The following LRRC56 variants were observed in gnomAD, a reference collection of about 807,000 sequenced individuals.
LRRC56 encodes leucine-rich repeat-containing protein 56.
LRRC56 carries 41 observed loss-of-function variants against 47.8 expected under a neutral mutation model. That is an observed-to-expected ratio of 0.86 (90% CI 0.67 to 1.11). The LOEUF (loss-of-function observed/expected upper bound fraction) is 1.11, where lower values mean the gene tolerates loss of function less well. LRRC56 is among the 50% of genes most tolerant of loss of function. The pLI is 0.00. For synonymous variants in LRRC56, 387 were observed against 311.2 expected, an observed-to-expected ratio of 1.24 and a Z score of -2.56; for missense variants, 759 against 704.2, an observed-to-expected ratio of 1.08 and a Z score of -0.88.
At chr11:535,529 C>T (rs1468504998), upstream of LRRC56, 1 of 148,046 alleles carries the variant, frequency 6.8e-6, no homozygotes, top group Non-Finnish European at 1.5e-5. Context: ...GCGGGTGCGG[C>T]TCGGGTTGCG....
chr11:507,012 A>T, the LRRC56 span: 1 of 151,856 alleles, frequency 6.6e-6, no homozygotes, highest in Non-Finnish European at 1.5e-5. Context: ...CCCGCGCAGC[A>T]ACGGCCTCAA....
chr11:549,874 G>A, intron 6 of LRRC56, 28 bp from the exon 7 acceptor site: 1 of 1,600,778 alleles, frequency 6.2e-7, no homozygotes, highest in Non-Finnish European at 8.6e-7. Context: ...CTGGGCACAT[G>A]TTGACCACCA....
At chr11:547,317 T>A (rs571296938) in intron 6 of LRRC56, among the ~76,000 whole-genome samples, 1 of 70,346 alleles carries the variant, frequency 1.4e-5, no homozygotes, top group South Asian at 4.5e-4. Flanking sequence ...ATGGCTGTAC[T>A]TTTTTTTTTA....
chr11:547,292 G>C (rs1220116317), intron 6 of LRRC56, among the ~76,000 whole-genome samples: 1 of 150,504 alleles, frequency 6.6e-6, no homozygotes, highest in Non-Finnish European at 1.5e-5. Context: ...AAGAGTAAAT[G>C]ATATTCTAAT....
the LRRC56 span, among the ~76,000 whole-genome samples, chr11:522,467 T>C: frequency 1.6e-4 from 25 of 152,172 alleles, no homozygotes; most frequent in South Asian, 4.1e-4. Flanking sequence ...GGGGTTTCAC[T>C]GTGTTAGCCA....
At chr11:511,439 T>TA in the LRRC56 span, among the ~76,000 whole-genome samples, 1 of 152,202 alleles carries the variant, frequency 6.6e-6, no homozygotes, top group Admixed American at 6.6e-5. Flanking sequence ...AGTGGGTAGT[T>TA]AAACTGACAA....
chr11:550,377 G>C lies in LRRC56; in HGVS notation c.624+105G>C. Reference sequence around the variant, plus strand: ...TGGCCAGGTACTTCTGTGCCCACCCGCACCCTATGGCCTGCTCACCATGAG... The same window carrying C: ...TGGCCAGGTACTTCTGTGCCCACCCCCACCCTATGGCCTGCTCACCATGAG... On this transcript the variant is annotated intron_variant, in intron 8 of 13. Coordinates refer to ENST00000270115, the MANE Select transcript of LRRC56 (RefSeq NM_198075.4). 5 of 1,038,192 alleles carry C rather than the reference G, an allele frequency of 4.8e-6. No individual in the cohort carries two copies. The South Asian group carries it at 8.3e-5, about 17-fold the overall frequency. 64.3% of individuals were successfully genotyped at this position (1,038,192 alleles called of 1,614,324 possible).
chr11:513,839 G>A, the LRRC56 span, among the ~76,000 whole-genome samples: 49,191 of 148,180 alleles, frequency 0.33, 8,294 homozygotes, highest in African/African-American at 0.38. Flanking sequence ...AAAAAAAAAG[G>A]AAGAAATTGC....
rs1217268141 is a variant in LRRC56 at position 551,791 on chromosome 11, C to T, written c.937C>T (p.Leu313=). 1.9e-6 allele frequency: 3 copies of T among 1,609,398 alleles called. No individual in the cohort carries two copies. Among genetic ancestry groups the T allele is most frequent in the Admixed American group, 3.3e-5 (2 of 59,712 alleles). ...PLPEGLLSED[L]APEDNTSSLT... is the part of the protein sequence containing the mutation. ...GCCTGAAGGCCTGCTTTCTGAGGAC[C>T]TGGCCCCAGAAGATAACACCAGCAG... The change falls in exon 10 of 14, where the codon CTG becomes TTG. Residue 313 remains leucine (L), a synonymous_variant. Coordinates refer to ENST00000270115, the MANE Select transcript of LRRC56 (RefSeq NM_198075.4).
chr11:513,418 C>T, the LRRC56 span, among the ~76,000 whole-genome samples: 3 of 152,098 alleles, frequency 2.0e-5, no homozygotes, highest in African/African-American at 2.4e-5. Context: ...CTCAGTGTCC[C>T]GAGGTGCTGG....
At chr11:542,810 T>C (rs1365048614) in intron 5 of LRRC56, among the ~76,000 whole-genome samples, 2 of 152,022 alleles carry the variant, frequency 1.3e-5, no homozygotes, top group Non-Finnish European at 2.9e-5. Flanking sequence ...TTAAATGCAG[T>C]GCGATGGCCA....
chr11:554,214 G>C lies in LRRC56; in HGVS notation c.1567G>C (p.Asp523His), dbSNP rs10902171. 0.81 allele frequency: 1,249,288 copies of C among 1,533,232 alleles called. 510,154 individuals carry two copies. Among genetic ancestry groups the C allele is most frequent in the East Asian group, 0.89 (39,051 of 43,790 alleles). The allele number at this position is 1,533,232 out of a possible 1,614,324, so 95.0% of individuals were successfully genotyped here. A position where few individuals can be genotyped will look rare whatever the true frequency, so the allele number is the denominator to read the frequency against. The change falls in exon 14 of 14, where the codon GAT becomes CAT. Residue 523 changes from aspartate (D) to histidine (H), a missense_variant. Transcript: ENST00000270115. The part of the protein sequence containing the change: ...QGCPGPKPAP[D>H]AAARPPRAAE... ...ATGTCCTGGCCCAAAGCCAGCACCA[G>C]ATGCAGCAGCTAGACCTCCCAGGGC... is the stretch of plus-strand genomic sequence containing the variant.
Position 541,666 on chromosome 11 carries a change from C to G in LRRC56, c.265+42C>G. 1 of 1,247,164 alleles carries G rather than the reference C, an allele frequency of 8.0e-7. No individual in the cohort carries two copies. Among genetic ancestry groups the G allele is most frequent in the Non-Finnish European group, 1.1e-6 (1 of 886,824 alleles). 77.3% of individuals were successfully genotyped at this position (1,247,164 alleles called of 1,614,324 possible). A position where few individuals can be genotyped will look rare whatever the true frequency, so the allele number is the denominator to read the frequency against. On this transcript the variant is annotated intron_variant, in intron 5 of 13. Transcript: ENST00000270115. This position sits in a 1 kb window ranked among gnomAD's most constrained non-coding sequence, Gnocchi z 4.1. Reference sequence around the variant, plus strand: ...CCCGCCATGGCCACGGCCACGGCCACGCCTCCCTGTAAACAACACACGTTT... The same window carrying G: ...CCCGCCATGGCCACGGCCACGGCCAGGCCTCCCTGTAAACAACACACGTTT...
At chr11:551,511 G>C in intron 9 of LRRC56, 140 bp from the exon 10 acceptor site, 1 of 938,088 alleles carries the variant, frequency 1.1e-6, no homozygotes, top group Non-Finnish European at 1.6e-6. Flanking sequence ...TGAAGATGAG[G>C]GCCTCTCTAG....
At position 552,625 on chromosome 11, in the gene LRRC56, G is replaced by C. The variant is rs368346889; in HGVS notation, c.1238G>C (p.Gly413Ala). Residue 413 changes from glycine (G) to alanine (A), a missense_variant, in exon 13 of 14, where the codon GGC becomes GCC. Transcript: ENST00000270115. ...CAGGAAGGGGCTGTAGCCCCCTGGG[G>C]CCCACGGAGGGTCCCTGAAGAGCAA... ...SQQEGAVAPW[G>A]PRRVPEEQVH... is the part of the protein sequence containing the mutation. The C allele has an allele frequency of 3.7e-6, 6 of 1,610,448 alleles. No homozygotes were observed. In the African/African-American group the frequency reaches 5.3e-5, roughly 14 times the overall value.
the LRRC56 span, chr11:506,580 C>G: frequency 6.6e-6 from 1 of 152,276 alleles, no homozygotes; most frequent in Non-Finnish European, 1.5e-5. Context: ...ACCCTCCCTC[C>G]CCGACCTCGC....
At chr11:528,314 G>A in the LRRC56 span, among the ~76,000 whole-genome samples, 11 of 152,318 alleles carry the variant, frequency 7.2e-5, no homozygotes, top group South Asian at 1.0e-3. Flanking sequence ...GGCGGCGCCC[G>A]GGACAGAAGC....
chr11:533,287 G>A (rs2133984990), upstream of LRRC56: 1 of 1,594,450 alleles, frequency 6.3e-7, no homozygotes. Context: ...AGCGCGAGGG[G>A]CCGCTGGGTC....
upstream of LRRC56, chr11:535,436 CCCGGGG>C (rs939915760): frequency 5.5e-5 from 8 of 145,668 alleles, no homozygotes; most frequent in African/African-American, 2.0e-4. Context: ...CGCGACTGCC[CCCGGGG>C]CCAGGGCCGG....
Sources: allele counts gnomAD v4.1 joint callset (sites outside exome capture counted in the v4.1 genomes callset), GRCh38; gene constraint gnomAD v4.1.1; non-coding constraint Gnocchi (gnomAD v3.1); transcripts MANE v1.5; gene names NCBI Gene and HGNC (gene_info 2026-07-23, HGNC 2026-07-21).